Variants in GPHN observed in about 807,000 individuals in gnomAD.
The protein encoded by GPHN is gephyrin.
Under a neutral mutation model 95.5 loss-of-function variants are expected in GPHN, and 17 were observed. That is an observed-to-expected ratio of 0.18 (90% CI 0.12 to 0.27). GPHN has a LOEUF of 0.27. GPHN is among the 10% of genes least tolerant of loss of function. The pLI is 1.00. For synonymous variants in GPHN, 320 were observed against 322.5 expected, an observed-to-expected ratio of 0.99 and a Z score of 0.08; for missense variants, 660 against 978.1, an observed-to-expected ratio of 0.67 and a Z score of 4.34.
At chr14:67,350,575 T>C in the GPHN span, 2 of 1,556,130 alleles carry the variant, frequency 1.3e-6, no homozygotes, top group Non-Finnish European at 1.8e-6. Context: ...GAAATCACTT[T>C]GTTTTGCTTC....
intron 2 of GPHN, among the ~76,000 whole-genome samples, chr14:66,723,982 TACATACAC>T (rs1314479662): frequency 2.4e-4 from 35 of 143,242 alleles, no homozygotes; most frequent in Admixed American, 1.5e-3. Flanking sequence ...ATGTCATGCA[TACATACAC>T]ACACACACAC....
chr14:67,453,205 A>AT, the GPHN span, among the ~76,000 whole-genome samples: 1 of 149,084 alleles, frequency 6.7e-6, no homozygotes, highest in African/African-American at 2.5e-5. Context: ...TGCTCCAATT[A>AT]TCCCCCGGGG....
chr14:67,076,310 A>C (rs1341252667), intron 11 of GPHN, among the ~76,000 whole-genome samples: 1 of 152,232 alleles, frequency 6.6e-6, no homozygotes, highest in Non-Finnish European at 1.5e-5. Context: ...TTCACACTTA[A>C]TAGACTACAG....
intron 8 of GPHN, among the ~76,000 whole-genome samples, chr14:66,938,307 A>G (rs949772503): frequency 6.6e-6 from 1 of 152,218 alleles, no homozygotes; most frequent in Non-Finnish European, 1.5e-5. Context: ...TTAAGAAATC[A>G]GGGTCTACTA....
the GPHN span, among the ~76,000 whole-genome samples, chr14:67,406,760 G>A: frequency 5.3e-5 from 8 of 152,160 alleles, no homozygotes; most frequent in East Asian, 3.8e-4. Context: ...AAGCACCACC[G>A]GTTCTGCTCT....
chr14:66,800,256 T>C (rs1463246725), intron 3 of GPHN, among the ~76,000 whole-genome samples: 1 of 152,164 alleles, frequency 6.6e-6, no homozygotes, highest in African/African-American at 2.4e-5. Context: ...AGTTACAGTG[T>C]TGTAATATTC....
chr14:67,556,182 A>T, the GPHN span, among the ~76,000 whole-genome samples: 1 of 152,228 alleles, frequency 6.6e-6, no homozygotes, highest in East Asian at 1.9e-4. Context: ...ATTGAGGGTT[A>T]GCCAGTGATT....
At chr14:67,112,840 T>G (rs1466610210) in intron 15 of GPHN, among the ~76,000 whole-genome samples, 178 bp from the exon 16 acceptor site, 2 of 152,236 alleles carry the variant, frequency 1.3e-5, no homozygotes, top group Non-Finnish European at 2.9e-5. Flanking sequence ...TGATTTAACT[T>G]TTAAAATTAA....
the GPHN span, among the ~76,000 whole-genome samples, chr14:67,483,887 C>T: frequency 7.2e-5 from 11 of 152,284 alleles, no homozygotes; most frequent in East Asian, 1.9e-3. Context: ...GCCTCAGATC[C>T]CAAGCAAACC....
chr14:66,969,403 G>A (rs1163255373), intron 9 of GPHN: 2 of 152,214 alleles, frequency 1.3e-5, no homozygotes, highest in Admixed American at 1.3e-4. Context: ...TTTGCTGGAA[G>A]AATAATTCTG....
rs184154352 is a variant in GPHN at position 66,806,038 on chromosome 14, C to G, written c.202-18436C>G. On this transcript the variant is annotated intron_variant, in intron 3 of 22. Coordinates refer to ENST00000478722, the MANE Select transcript of GPHN (RefSeq NM_020806.5). The stretch of plus-strand genomic sequence containing the variant: ...CCCCACCCCTACGGCAAACTTCTGC[C>G]TGGGCATCCAGGCGTTTTCATATGT... Among the ~76,000 whole-genome samples the G allele has an allele frequency of 1.7e-4, 26 of 152,346 alleles. No homozygotes were observed. In the East Asian group the frequency reaches 4.8e-3, roughly 28 times the overall value.
the GPHN span, chr14:67,585,093 G>A: frequency 1.3e-5 from 2 of 156,364 alleles, no homozygotes; most frequent in Non-Finnish European, 2.8e-5. Flanking sequence ...TAAAGCCACA[G>A]GACTGCATTC....
At chr14:67,168,164 G>C (rs547592183) in intron 20 of GPHN, among the ~76,000 whole-genome samples, 1 of 152,308 alleles carries the variant, frequency 6.6e-6, no homozygotes, top group East Asian at 1.9e-4. Flanking sequence ...CTTCTGGTGA[G>C]GCCTCTCTCC....
intron 2 of GPHN, among the ~76,000 whole-genome samples, chr14:66,763,221 TC>T (rs1174040526): frequency 2.9e-5 from 3 of 102,018 alleles, no homozygotes; most frequent in Admixed American, 9.8e-5. Context: ...TTTTTTTTAA[TC>T]TTTTTTTTTT....
chr14:67,571,202 T>C, the GPHN span: 1 of 157,148 alleles, frequency 6.4e-6, no homozygotes, highest in East Asian at 1.8e-4. Context: ...CATGTGTCTG[T>C]AGGACAGAGT....
At chr14:67,114,777 C>T (rs975613125) in intron 16 of GPHN, among the ~76,000 whole-genome samples, 14 of 152,156 alleles carry the variant, frequency 9.2e-5, no homozygotes, top group African/African-American at 3.1e-4. Flanking sequence ...TTATATTTCT[C>T]TCTCATGCTT....
chr14:66,619,414 G>C (rs964252145), intron 1 of GPHN, among the ~76,000 whole-genome samples: 1 of 150,940 alleles, frequency 6.6e-6, no homozygotes, highest in Non-Finnish European at 1.5e-5. Flanking sequence ...CACTGTAAAA[G>C]GTATCTAGTT....
chr14:67,215,236 A>G, the GPHN span, among the ~76,000 whole-genome samples: 1 of 152,142 alleles, frequency 6.6e-6, no homozygotes, highest in Non-Finnish European at 1.5e-5. Flanking sequence ...GGAAAGAACT[A>G]TAGGCTCACC....
the GPHN span, among the ~76,000 whole-genome samples, chr14:67,258,722 T>C: frequency 6.6e-6 from 1 of 150,960 alleles, no homozygotes; most frequent in African/African-American, 2.4e-5. Flanking sequence ...ATGCCCAGCC[T>C]TCAGACTGCC....
Sources: allele counts gnomAD v4.1 joint callset (sites outside exome capture counted in the v4.1 genomes callset), GRCh38; gene constraint gnomAD v4.1.1; transcripts MANE v1.5; gene names NCBI Gene and HGNC (gene_info 2026-07-23, HGNC 2026-07-21).